The following DENND5B variants were observed in gnomAD, a reference collection of about 807,000 sequenced individuals.
DENND5B encodes DENN domain containing 5B, also known as DENN domain-containing protein 5B.
DENND5B carries 34 observed loss-of-function variants against 140.6 expected under a neutral mutation model. The ratio of observed to expected loss-of-function variants is 0.24; its 90% CI spans 0.18 to 0.32. DENND5B has a LOEUF of 0.32. Ranked by LOEUF, DENND5B falls within the 10% of genes least tolerant of loss-of-function variation. The pLI is 1.00. For missense variants in DENND5B, 1,142 were observed against 1,560.2 expected, an observed-to-expected ratio of 0.73 and a Z score of 4.52; for synonymous variants, 551 against 562.1, an observed-to-expected ratio of 0.98 and a Z score of 0.28.
intron 1 of DENND5B, among the ~76,000 whole-genome samples, chr12:31,550,814 A>T (rs1373655345): frequency 6.6e-6 from 1 of 152,206 alleles, no homozygotes; most frequent in African/African-American, 2.4e-5. Flanking sequence ...TCTGATGGCC[A>T]GTGATGATGA....
intron 1 of DENND5B, among the ~76,000 whole-genome samples, chr12:31,565,686 G>A (rs769583926): frequency 8.5e-5 from 13 of 152,164 alleles, no homozygotes; most frequent in Non-Finnish European, 1.3e-4. Context: ...GTTTCTCTGA[G>A]ACTGTTCTCT....
Position 31,382,377 on chromosome 12 carries a change from A to G in DENND5B, c.*5226T>C, listed in dbSNP as rs931696974. On this transcript the variant is annotated 3_prime_UTR_variant, in exon 21 of 21. Transcript: ENST00000389082. ...CTCTTTCAAATTTTATATTATGTTC[A>G]GATGAGAAAAAAAATCCAGTTCTGA... is the stretch of plus-strand genomic sequence containing the variant. The G allele has an allele frequency of 3.9e-5, 6 of 152,206 alleles. No individual in the cohort carries two copies. The highest frequency in any genetic ancestry group is 1.4e-4 in the African/African-American group (6 of 41,462). 9.4% of individuals were successfully genotyped at this position (152,206 alleles called of 1,614,324 possible).
chr12:31,409,069 T>C (rs894742222), intron 14 of DENND5B, among the ~76,000 whole-genome samples, 194 bp downstream of exon 14: 1 of 152,222 alleles, frequency 6.6e-6, no homozygotes, highest in Non-Finnish European at 1.5e-5. Context: ...AGTAAGGCGT[T>C]CTCTAAAGCC....
At chr12:31,497,831 GCA>G (rs1360403566) in intron 1 of DENND5B, among the ~76,000 whole-genome samples, 1 of 1,318 alleles carries the variant, frequency 7.6e-4, no homozygotes, top group Admixed American at 6.1e-3. Context: ...GCAGGGAGGG[GCA>G]AGGGGAGGGG....
intron 1 of DENND5B, among the ~76,000 whole-genome samples, chr12:31,566,049 G>A (rs1266866761): frequency 2.6e-5 from 4 of 152,184 alleles, no homozygotes; most frequent in Non-Finnish European, 4.4e-5. Context: ...GGAGACTAGG[G>A]TGGAAGGATC....
At position 31,452,251 on chromosome 12, in the gene DENND5B, T is replaced by G. The variant is rs559754069; in HGVS notation, c.1318A>C (p.Asn440His). 1 of 1,614,032 alleles carries G rather than the reference T, an allele frequency of 6.2e-7. No individual in the cohort carries two copies. Among genetic ancestry groups the G allele is most frequent in the South Asian group, 1.1e-5 (1 of 91,086 alleles). The change falls in exon 5 of 21, where the codon AAT becomes CAT. Residue 440 changes from asparagine to histidine, a missense_variant. Asn to His is a moderately conservative substitution (Grantham distance 68). Around this residue, in one of 5 missense-constraint regions of DENND5B, gnomAD observed 708 missense variants for 905.5 expected, o/e 0.78. Coordinates refer to ENST00000389082, the MANE Select transcript of DENND5B (RefSeq NM_144973.4). Reference protein sequence around the residue: ...NDKKNGNVCTNNISMYELLKG... With the variant: ...NDKKNGNVCTHNISMYELLKG... ...AGTAACTCATACATGCTGATGTTAT[T>G]AGTACAGACATTGCCGTTCTTTTTG...
At chr12:31,551,768 G>A (rs984803209) in intron 1 of DENND5B, among the ~76,000 whole-genome samples, 6 of 152,154 alleles carry the variant, frequency 3.9e-5, no homozygotes, top group African/African-American at 1.2e-4. Context: ...TCTCCTTGAA[G>A]AGGCCCTTCA....
intron 1 of DENND5B, among the ~76,000 whole-genome samples, chr12:31,535,590 C>T (rs1049665749): frequency 2.6e-5 from 4 of 152,174 alleles, no homozygotes; most frequent in African/African-American, 9.7e-5. Context: ...CCACAGGTTA[C>T]TGGGCTTGGG....
chr12:31,458,889 T>G (rs1187354699), intron 4 of DENND5B, among the ~76,000 whole-genome samples: 1 of 152,188 alleles, frequency 6.6e-6, no homozygotes, highest in Non-Finnish European at 1.5e-5. Flanking sequence ...TCAAAGACCT[T>G]ACATGGTAAT....
intron 3 of DENND5B, among the ~76,000 whole-genome samples, chr12:31,460,857 C>T (rs1009203175): frequency 6.6e-6 from 1 of 151,994 alleles, no homozygotes; most frequent in African/African-American, 2.4e-5. Flanking sequence ...TCCCAAGTAG[C>T]TGAGATTACA....
At chr12:31,520,441 G>A (rs1947833306) in intron 1 of DENND5B, among the ~76,000 whole-genome samples, 1 of 152,174 alleles carries the variant, frequency 6.6e-6, no homozygotes, top group African/African-American at 2.4e-5. Flanking sequence ...ACCTAGCATA[G>A]AAACTAGGCA....
intron 15 of DENND5B, among the ~76,000 whole-genome samples, chr12:31,400,849 T>A (rs200014463): frequency 2.2e-4 from 4 of 18,592 alleles, no homozygotes; most frequent in African/African-American, 2.6e-4. Flanking sequence ...TTTTTTTTTT[T>A]GTTTTTTTTT....
At chr12:31,551,671 C>T (rs960500176) in intron 1 of DENND5B, among the ~76,000 whole-genome samples, 58 of 152,224 alleles carry the variant, frequency 3.8e-4, no homozygotes, top group African/African-American at 1.2e-3. Flanking sequence ...GCCATTTTCA[C>T]GATATTGATT....
At chr12:31,456,017 T>A (rs1363897591) in intron 4 of DENND5B, among the ~76,000 whole-genome samples, 1 of 150,076 alleles carries the variant, frequency 6.7e-6, no homozygotes, top group Non-Finnish European at 1.5e-5. Context: ...AGACTCCGTC[T>A]CAAAAACAAA....
chr12:31,470,423 A>AT (rs1429468432), intron 3 of DENND5B, among the ~76,000 whole-genome samples: 2 of 149,708 alleles, frequency 1.3e-5, no homozygotes, highest in African/African-American at 4.9e-5. Context: ...CTTATTTTTA[A>AT]TTTTTTTGTA....
At chr12:31,448,348 G>T (rs986475725) in intron 5 of DENND5B, among the ~76,000 whole-genome samples, 1 of 151,820 alleles carries the variant, frequency 6.6e-6, no homozygotes, top group African/African-American at 2.4e-5. Flanking sequence ...TGTTAGCCAA[G>T]ATGGTCTCGA....
chr12:31,568,373 T>TCA (rs1949704958), intron 1 of DENND5B, among the ~76,000 whole-genome samples: 2 of 152,248 alleles, frequency 1.3e-5, no homozygotes, highest in Non-Finnish European at 2.9e-5. Flanking sequence ...TAAGGGATAC[T>TCA]CAACCTGTAT....
rs1210180625 is a variant in DENND5B, at chr12:31,479,888, T to A, written c.605A>T (p.Gln202Leu). The change falls in exon 3 of 21, where the codon CAG becomes CTG. Residue 202 changes from glutamine to leucine, a missense_variant. Physicochemically the swap from Gln to Leu is moderately radical, Grantham distance 113 (BLOSUM62 -2). Transcript: ENST00000389082. ...CTGGATAAGGAATTTCTTGCAGGCC[T>A]GCATGAATGGTAACGGTGTGATCAA... is the stretch of plus-strand genomic sequence containing the variant. ...ICLITPLPFM[Q>L]ACKKFLIQLY... 1.9e-6 allele frequency: 3 copies of A among 1,613,836 alleles called. No individual in the cohort carries two copies. Among genetic ancestry groups the A allele is most frequent in the Non-Finnish European group, 1.7e-6 (2 of 1,179,838 alleles).
At chr12:31,510,418 C>G (rs886348451) in intron 1 of DENND5B, among the ~76,000 whole-genome samples, 2 of 152,186 alleles carry the variant, frequency 1.3e-5, no homozygotes, top group Non-Finnish European at 2.9e-5. Context: ...GGGGTTCAAG[C>G]AATTCTCCTG....
Sources: allele counts gnomAD v4.1 joint callset (sites outside exome capture counted in the v4.1 genomes callset), GRCh38; gene constraint gnomAD v4.1.1; regional missense constraint gnomAD v4.1.1; transcripts MANE v1.5; gene names NCBI Gene and HGNC (gene_info 2026-07-23, HGNC 2026-07-21).